TRHDE: variants seen among roughly 807,000 people sequenced by gnomAD.
TRHDE encodes thyrotropin releasing hormone degrading enzyme, also known as thyrotropin-releasing hormone-degrading ectoenzyme.
TRHDE carries 72 observed loss-of-function variants against 125.7 expected under a neutral mutation model. The ratio of observed to expected loss-of-function variants is 0.57; its 90% CI spans 0.47 to 0.70. The LOEUF (loss-of-function observed/expected upper bound fraction) is 0.70, where lower values mean the gene tolerates loss of function less well. Among genes scored for constraint, TRHDE ranks in the 30% least tolerant of loss-of-function variants. The probability of loss-of-function intolerance (pLI) is 0.00; values close to 1 mark genes in which losing one functional copy is unlikely to be tolerated. For synonymous variants in TRHDE, 509 were observed against 509.1 expected, an observed-to-expected ratio of 1.00 and a Z score of 0.00; for missense variants, 1,110 against 1,327.1, an observed-to-expected ratio of 0.84 and a Z score of 2.54.
At chr12:72,631,147 T>C (rs1873479658) in intron 15 of TRHDE, among the ~76,000 whole-genome samples, 1 of 151,688 alleles carries the variant, frequency 6.6e-6, no homozygotes, top group Non-Finnish European at 1.5e-5. Flanking sequence ...ATTCAACATG[T>C]ACTGTTTACT....
intron 2 of TRHDE, among the ~76,000 whole-genome samples, chr12:72,204,652 A>C (rs1319241703): frequency 2.0e-5 from 3 of 152,140 alleles, no homozygotes; most frequent in Non-Finnish European, 4.4e-5. Context: ...CCACTTTTCT[A>C]TTTAAATTCT....
Position 72,586,024 on chromosome 12 carries a change from T to A in TRHDE, c.2321+10482T>A, listed in dbSNP as rs529056469. On this transcript the variant is annotated intron_variant, in intron 12 of 18. Coordinates refer to ENST00000261180, the MANE Select transcript of TRHDE (RefSeq NM_013381.3). The stretch of plus-strand genomic sequence containing the variant: ...AGTCAGAGGAGCCTTCTGATAATCA[T>A]CTTTCTTACTAAACATGCTGATTAG... 6.6e-5 allele frequency among the ~76,000 whole-genome samples: 10 copies of A among 152,324 alleles called. No individual in the cohort carries two copies. In the East Asian group the frequency reaches 1.7e-3, roughly 26 times the overall value.
chr12:72,308,377 G>A (rs1335286915), intron 2 of TRHDE, among the ~76,000 whole-genome samples: 2 of 152,040 alleles, frequency 1.3e-5, no homozygotes, highest in Non-Finnish European at 2.9e-5. Flanking sequence ...GATGTGTGTG[G>A]CATAGAGGAA....
intron 2 of TRHDE, among the ~76,000 whole-genome samples, chr12:72,337,119 A>G (rs1869863759): frequency 6.6e-6 from 1 of 152,200 alleles, no homozygotes. Flanking sequence ...ATTAGATGCA[A>G]CAGTGAATGA....
intron 2 of TRHDE, among the ~76,000 whole-genome samples, chr12:72,337,811 ATTATTT>A (rs1201043518): frequency 2.0e-4 from 26 of 129,830 alleles, no homozygotes; most frequent in Non-Finnish European, 3.3e-4. Flanking sequence ...TGCTATTATT[ATTATTT>A]TTATTTTTAT....
Position 72,273,343 on chromosome 12 carries a change from G to T in TRHDE, c.700G>T (p.Val234Leu). The T allele has an allele frequency of 1.5e-5, 25 of 1,614,104 alleles. No individual in the cohort carries two copies. The highest frequency in any genetic ancestry group is 1.9e-5 in the Non-Finnish European group (23 of 1,180,008). The part of the protein sequence containing the change: ...YVVLHASRVA[V>L]EKVQLAEDRA... ...AGTGCTGCACGCTTCCCGAGTGGCG[G>T]TGGAGAAAGTGCAGCTGGCCGAGGA... is the stretch of plus-strand genomic sequence containing the variant. Residue 234 changes from valine to leucine, a missense_variant, in exon 1 of 19, where the codon GTG (valine) becomes TTG (leucine). This residue lies in a region of TRHDE where 72 missense variants were observed against 122.2 expected (regional missense o/e 0.59). Coordinates refer to ENST00000261180, the MANE Select transcript of TRHDE (RefSeq NM_013381.3). The surrounding 1 kb of genome is among the most constrained non-coding windows in gnomAD (Gnocchi z 5.3).
In TRHDE at chr12:72,413,440, T is replaced by C. The variant is rs890508176; in HGVS notation, c.1315+35319T>C. Among the ~76,000 whole-genome samples the C allele has an allele frequency of 7.0e-5, 10 of 142,058 alleles. No homozygotes were observed. In the East Asian group the frequency reaches 1.0e-3, roughly 15 times the overall value. 93.2% of individuals were successfully genotyped at this position (142,058 alleles called of 152,430 possible). ...TGAAAAAAGAATATAAAAAATCTTA[T>C]TAATTTTTATATAGATTATATATGT... On this transcript the variant is annotated intron_variant, in intron 3 of 18. Coordinates refer to ENST00000261180, the MANE Select transcript of TRHDE (RefSeq NM_013381.3).
intron 3 of TRHDE, among the ~76,000 whole-genome samples, chr12:72,407,275 C>T (rs1873307383): frequency 6.6e-6 from 1 of 152,244 alleles, no homozygotes; most frequent in East Asian, 1.9e-4. Flanking sequence ...AAAACTAAAG[C>T]AGAGGTTGAA....
At chr12:72,637,321 T>C (rs1185421704) in intron 15 of TRHDE, among the ~76,000 whole-genome samples, 3 of 152,206 alleles carry the variant, frequency 2.0e-5, no homozygotes, top group Non-Finnish European at 4.4e-5. Flanking sequence ...CTGATGGTAG[T>C]TTGTATTTCT....
intron 3 of TRHDE, among the ~76,000 whole-genome samples, chr12:72,410,464 T>C (rs1873448182): frequency 6.6e-6 from 1 of 152,106 alleles, no homozygotes; most frequent in Admixed American, 6.5e-5. Flanking sequence ...TCATAGGTCT[T>C]TCTCATTTAT....
intron 1 of TRHDE, among the ~76,000 whole-genome samples, chr12:72,091,767 C>A (rs1874797500): frequency 6.6e-6 from 1 of 152,178 alleles, no homozygotes; most frequent in Non-Finnish European, 1.5e-5. Flanking sequence ...AGTCACGACC[C>A]AGGCACAAGT....
At chr12:72,584,632 T>C (rs552198007) in intron 12 of TRHDE, among the ~76,000 whole-genome samples, 1 of 152,334 alleles carries the variant, frequency 6.6e-6, no homozygotes, top group African/African-American at 2.4e-5. Flanking sequence ...AGATTCCACA[T>C]ATAAGTGAGA....
intron 2 of TRHDE, among the ~76,000 whole-genome samples, chr12:72,152,806 T>G (rs1876401626): frequency 6.6e-6 from 1 of 152,240 alleles, no homozygotes; most frequent in Non-Finnish European, 1.5e-5. Context: ...GCCAGTATTT[T>G]ATTGAGGATT....
intron 3 of TRHDE, among the ~76,000 whole-genome samples, chr12:72,409,004 A>T (rs1873383654): frequency 1.3e-5 from 2 of 152,176 alleles, no homozygotes; most frequent in South Asian, 4.1e-4. Context: ...AATGTTCCTG[A>T]ACAGAACAAA....
At chr12:72,290,722 G>C (rs958557447) in intron 2 of TRHDE, among the ~76,000 whole-genome samples, 6 of 152,202 alleles carry the variant, frequency 3.9e-5, no homozygotes. Flanking sequence ...ATATATCCAC[G>C]TGTGGCTTCT....
intron 1 of TRHDE, among the ~76,000 whole-genome samples, chr12:72,095,327 A>G (rs2139285026): frequency 6.6e-6 from 1 of 152,356 alleles, no homozygotes. Flanking sequence ...AACAATATCC[A>G]ATTTGGCATT....
chr12:72,158,749 C>A (rs1196474737), intron 2 of TRHDE, among the ~76,000 whole-genome samples: 3 of 152,086 alleles, frequency 2.0e-5, no homozygotes, highest in Non-Finnish European at 2.9e-5. Flanking sequence ...TTGTTGGAAG[C>A]CTTTCCTAAG....
At chr12:72,381,521 A>G (rs894347295) in intron 3 of TRHDE, among the ~76,000 whole-genome samples, 3 of 147,702 alleles carry the variant, frequency 2.0e-5, no homozygotes, top group East Asian at 2.0e-4. Flanking sequence ...TCAGCCTCCC[A>G]AGTAGCTGGG....
At chr12:72,121,113 C>T (rs186010858) in intron 2 of TRHDE, among the ~76,000 whole-genome samples, 5 of 152,262 alleles carry the variant, frequency 3.3e-5, no homozygotes, top group Admixed American at 2.0e-4. Flanking sequence ...ACCAAAATTA[C>T]AGTGTTGTAA....
Sources: allele counts gnomAD v4.1 joint callset (sites outside exome capture counted in the v4.1 genomes callset), GRCh38; gene constraint gnomAD v4.1.1; regional missense constraint gnomAD v4.1.1; non-coding constraint Gnocchi (gnomAD v3.1); transcripts MANE v1.5; gene names NCBI Gene and HGNC (gene_info 2026-07-23, HGNC 2026-07-21).